Variants in FHIT observed in about 807,000 individuals in gnomAD.
FHIT encodes bis(5'-adenosyl)-triphosphatase.
A neutral mutation model predicts 17.9 loss-of-function variants in FHIT; 19 were observed. That is an observed-to-expected ratio of 1.06 (90% CI 0.74 to 1.56). The LOEUF (loss-of-function observed/expected upper bound fraction) is 1.56, where lower values mean the gene tolerates loss of function less well. Ranked by LOEUF, FHIT falls within the 40% of genes most tolerant of loss-of-function variation. The pLI, the probability that FHIT is intolerant of heterozygous loss-of-function variation, is 0.00. For missense variants in FHIT, 248 were observed against 189.2 expected, an observed-to-expected ratio of 1.31 and a Z score of -1.82; for synonymous variants, 81 against 69.7, an observed-to-expected ratio of 1.16 and a Z score of -0.81.
chr3:60,171,726 G>T (rs1399669944), intron 5 of FHIT, among the ~76,000 whole-genome samples: 4 of 152,014 alleles, frequency 2.6e-5, no homozygotes, highest in Admixed American at 6.6e-5. Context: ...TTTGGAGACA[G>T]GATCCTGTCC....
At chr3:60,579,791 C>T (rs932085347) in intron 4 of FHIT, among the ~76,000 whole-genome samples, 4 of 152,050 alleles carry the variant, frequency 2.6e-5, no homozygotes, top group African/African-American at 9.7e-5. Flanking sequence ...CTTTCTATGT[C>T]AGCAGATACT....
intron 8 of FHIT, among the ~76,000 whole-genome samples, chr3:59,902,707 A>G (rs1704387510): frequency 6.6e-6 from 1 of 152,214 alleles, no homozygotes; most frequent in African/African-American, 2.4e-5. Flanking sequence ...AAAGAAAACT[A>G]CTGCATGATC....
chr3:60,949,185 G>A (rs1297937318), intron 3 of FHIT, among the ~76,000 whole-genome samples: 6 of 152,102 alleles, frequency 3.9e-5, no homozygotes, highest in Admixed American at 2.6e-4. Context: ...ATTCTCAAGC[G>A]AAGGAAGGGG....
intron 5 of FHIT, among the ~76,000 whole-genome samples, chr3:60,477,775 AT>A (rs2033420241): frequency 6.6e-6 from 1 of 152,160 alleles, no homozygotes; most frequent in African/African-American, 2.4e-5. Context: ...CATAGTAAAC[AT>A]TTTTATCTTG....
chr3:60,735,906 T>C (rs2042124120), intron 4 of FHIT, among the ~76,000 whole-genome samples: 1 of 152,226 alleles, frequency 6.6e-6, no homozygotes, highest in Non-Finnish European at 1.5e-5. Context: ...ATTCCAATAC[T>C]GATGGGCTAT....
chr3:60,627,379 G>C (rs1049257678), intron 4 of FHIT, among the ~76,000 whole-genome samples: 1 of 152,096 alleles, frequency 6.6e-6, no homozygotes, highest in African/African-American at 2.4e-5. Flanking sequence ...TATATTTGTA[G>C]AATCAGTTTT....
At chr3:60,221,989 C>T (rs1184342293) in intron 5 of FHIT, among the ~76,000 whole-genome samples, 4 of 151,930 alleles carry the variant, frequency 2.6e-5, no homozygotes, top group Non-Finnish European at 5.9e-5. Flanking sequence ...ATTAGGAGCA[C>T]GGCCTTATCT....
chr3:60,079,940 AT>A (rs796952577), intron 5 of FHIT, among the ~76,000 whole-genome samples: 17 of 152,132 alleles, frequency 1.1e-4, no homozygotes, highest in South Asian at 8.3e-4. Context: ...CTAATGATAG[AT>A]TTTTTTTCTA....
intron 5 of FHIT, among the ~76,000 whole-genome samples, chr3:60,380,055 A>C (rs1352520065): frequency 6.6e-6 from 1 of 152,196 alleles, no homozygotes; most frequent in East Asian, 1.9e-4. Context: ...TATCTCACTT[A>C]AGCCTCACAG....
At chr3:60,298,329 C>G (rs1559799472) in intron 5 of FHIT, among the ~76,000 whole-genome samples, 1 of 152,060 alleles carries the variant, frequency 6.6e-6, no homozygotes, top group African/African-American at 2.4e-5. Flanking sequence ...CTCCTAGCAA[C>G]CAGTCCCCAT....
chr3:60,833,647 C>T (rs1378428343), intron 3 of FHIT, among the ~76,000 whole-genome samples: 1 of 152,082 alleles, frequency 6.6e-6, no homozygotes, highest in South Asian at 2.1e-4. Flanking sequence ...TCCATATGCC[C>T]TTTATCCAAT....
intron 4 of FHIT, among the ~76,000 whole-genome samples, chr3:60,648,568 A>G (rs1188796360): frequency 2.0e-5 from 3 of 152,156 alleles, no homozygotes; most frequent in African/African-American, 7.2e-5. Context: ...AAAACACCAC[A>G]TGCCAGGTAA....
chr3:60,643,835 G>C (rs1416791976), intron 4 of FHIT, among the ~76,000 whole-genome samples: 1 of 152,120 alleles, frequency 6.6e-6, no homozygotes, highest in African/African-American at 2.4e-5. Context: ...ATCATCATTA[G>C]AATCATCTGA....
At chr3:60,212,905 G>C (rs759541882) in intron 5 of FHIT, among the ~76,000 whole-genome samples, 22 of 152,122 alleles carry the variant, frequency 1.4e-4, no homozygotes, top group Non-Finnish European at 2.8e-4. Context: ...GTTCCAAGTG[G>C]AGCAGCTGTC....
chr3:61,211,663 A>T (rs1325352757), intron 1 of FHIT, among the ~76,000 whole-genome samples: 1 of 152,248 alleles, frequency 6.6e-6, no homozygotes, highest in African/African-American at 2.4e-5. Context: ...TGGTTCTCCC[A>T]GCACGCAGCC....
intron 2 of FHIT, among the ~76,000 whole-genome samples, chr3:61,144,124 A>C (rs2037163024): frequency 6.6e-6 from 1 of 152,200 alleles, no homozygotes; most frequent in Admixed American, 6.5e-5. Context: ...GAGTTGTGCA[A>C]CCAAGAACAC....
At chr3:61,128,685 G>T (rs1321145853) in intron 2 of FHIT, among the ~76,000 whole-genome samples, 1 of 151,924 alleles carries the variant, frequency 6.6e-6, no homozygotes, top group Non-Finnish European at 1.5e-5. Context: ...TTACTACTGG[G>T]ATTTAAACTA....
rs148507140 is a variant in FHIT at position 60,384,616 on chromosome 3, C to T, written c.103+152244G>A. ...TGGTCAGTCATGGACATAAACAAAACGTGCAAGGATAAGGCAGGCTTTCAC... is the reference window on the plus strand; with the variant it reads ...TGGTCAGTCATGGACATAAACAAAATGTGCAAGGATAAGGCAGGCTTTCAC... On this transcript the variant is annotated intron_variant, in intron 5 of 9. Transcript: ENST00000492590. Among the ~76,000 whole-genome samples, 36 of 152,180 alleles carry T rather than the reference C, an allele frequency of 2.4e-4. No individual in the cohort carries two copies. The East Asian group carries it at 3.3e-3, about 14-fold the overall frequency.
intron 5 of FHIT, among the ~76,000 whole-genome samples, chr3:60,083,894 CTAA>C (rs1353041089): frequency 6.6e-6 from 1 of 152,184 alleles, no homozygotes; most frequent in Non-Finnish European, 1.5e-5. Context: ...TAGGGAGCTG[CTAA>C]TAATAACAAG....
Sources: gnomAD v4.1 joint callset for allele counts (sites outside exome capture counted in the v4.1 genomes callset) on GRCh38, gnomAD v4.1.1 for gene constraint, MANE v1.5 for transcripts, NCBI Gene and HGNC (gene_info 2026-07-23, HGNC 2026-07-21) for gene names.